MSH6: variants seen among roughly 807,000 people sequenced by gnomAD.
MSH6 encodes mutS homolog 6.
Under a neutral mutation model 119.1 loss-of-function variants are expected in MSH6, and 85 were observed. That is an observed-to-expected ratio of 0.71 (90% CI 0.60 to 0.85). The LOEUF (loss-of-function observed/expected upper bound fraction) is 0.85, where lower values mean the gene tolerates loss of function less well. Among genes scored for constraint, MSH6 ranks in the 40% least tolerant of loss-of-function variants. MSH6 has a pLI of 0.00. For missense variants in MSH6, 2,163 were observed against 1,655.3 expected (o/e 1.31, Z -5.32); for synonymous variants, 830 against 586.9 (o/e 1.41, Z -5.99).
At chr2:47,786,490 A>T (rs910477982) in intron 1 of MSH6, among the ~76,000 whole-genome samples, 1 of 143,228 alleles carries the variant, frequency 7.0e-6, no homozygotes, top group Non-Finnish European at 1.5e-5. Context: ...GCCTGCCACC[A>T]CGCCCAGCTA....
rs1553412609 is a variant in MSH6 at position 47,799,171 on chromosome 2, C to CT, written c.1189dup (p.Tyr397LeufsTer4). 1 of 1,614,168 alleles carries CT rather than the reference C, an allele frequency of 6.2e-7. No individual in the cohort carries two copies. The highest frequency in any genetic ancestry group is 8.5e-7 in the Non-Finnish European group (1 of 1,180,014). ...ACCCCGATTTTGATGCATCTACACT[C>CT]TATGTGCCTGAGGATTTCCTCAATT... On this transcript the variant is annotated frameshift_variant, in exon 4 of 10. Transcript: ENST00000234420. LOFTEE classifies it high-confidence loss of function.
At chr2:47,793,318 C>CA (rs34250836) in intron 2 of MSH6, among the ~76,000 whole-genome samples, 1,565 of 48,746 alleles carry the variant, frequency 0.032, 228 homozygotes, top group Middle Eastern at 0.043. Flanking sequence ...GAGACTGTCT[C>CA]AAAAAAAAAA....
At chr2:47,784,416 G>C (rs928215089) in intron 1 of MSH6, 1 of 211,794 alleles carries the variant, frequency 4.7e-6, no homozygotes, top group Non-Finnish European at 8.2e-6. Flanking sequence ...AGTGACTCCG[G>C]GGAAGCCTGT....
At position 47,791,015 on chromosome 2, in the gene MSH6, G is replaced by A. The variant is rs1558652014; in HGVS notation, c.349G>A (p.Gly117Arg). The change falls in exon 2 of 10, where the codon GGA becomes AGA. Residue 117 changes from glycine to arginine, a missense_variant. Gly to Arg is a moderately radical substitution (Grantham distance 125, BLOSUM62 -2). Transcript: ENST00000234420. ...PCLVYNHPFD[G>R]TFIREKGKSV... ...TCTGGTTTACAACCACCCCTTTGAT[G>A]GAACATTCATCCGCGAGAAAGGGAA... 5 of 1,614,230 alleles carry A rather than the reference G, an allele frequency of 3.1e-6. No individual in the cohort carries two copies. The highest frequency in any genetic ancestry group is 3.4e-6 in the Non-Finnish European group (4 of 1,180,034).
intron 1 of MSH6, among the ~76,000 whole-genome samples, chr2:47,787,073 C>T (rs1485754145): frequency 6.6e-6 from 1 of 152,114 alleles, no homozygotes; most frequent in African/African-American, 2.4e-5. Flanking sequence ...TGCCTGTAAA[C>T]CCAACACTTT....
intron 1 of MSH6, among the ~76,000 whole-genome samples, chr2:47,787,258 C>T (rs1421456712): frequency 6.6e-6 from 1 of 152,032 alleles, no homozygotes; most frequent in African/African-American, 2.4e-5. Context: ...GCCATGCACT[C>T]CAGCCTGGGT....
chr2:47,805,601 A>T lies in MSH6; in HGVS notation c.3557-17A>T, dbSNP rs542542093. On this transcript the variant is annotated splice_polypyrimidine_tract_variant and intron_variant, in intron 6 of 9. Transcript: ENST00000234420. ...TTTGCAAAATGAGTATTCATTTGTGATTTTTTTTTTTTTAAGGTGAAAGTA... is the reference window on the plus strand; with the variant it reads ...TTTGCAAAATGAGTATTCATTTGTGTTTTTTTTTTTTTTAAGGTGAAAGTA... The T allele has an allele frequency of 7.4e-6, 10 of 1,346,676 alleles. No individual in the cohort carries two copies. In the East Asian group the frequency reaches 1.5e-4, roughly 21 times the overall value. The allele number at this position is 1,346,676 out of a possible 1,614,324, so 83.4% of individuals were successfully genotyped here.
downstream of MSH6, chr2:47,808,814 AC>A (rs1670407962): frequency 3.9e-6 from 1 of 258,912 alleles, no homozygotes; most frequent in South Asian, 9.3e-5. Context: ...AACATGAGTT[AC>A]ATGAATGACA....
intron 1 of MSH6, among the ~76,000 whole-genome samples, chr2:47,786,208 T>C (rs1221965809): frequency 6.6e-6 from 1 of 152,026 alleles, no homozygotes; most frequent in Non-Finnish European, 1.5e-5. Flanking sequence ...AAATTGTGGG[T>C]AGGATGAAAG....
intron 1 of MSH6, chr2:47,789,551 T>G (rs1332926941): frequency 2.7e-6 from 1 of 376,572 alleles, no homozygotes; most frequent in East Asian, 8.2e-5. Flanking sequence ...TAAAACAATT[T>G]ATACTGTATT....
At chr2:47,794,433 G>C (rs1487861249) in intron 2 of MSH6, among the ~76,000 whole-genome samples, 1 of 151,412 alleles carries the variant, frequency 6.6e-6, no homozygotes, top group Middle Eastern at 3.2e-3. Flanking sequence ...CACCACACCT[G>C]GCTAATTTTT....
downstream of MSH6, chr2:47,807,054 G>A: frequency 1.7e-6 from 1 of 593,554 alleles, no homozygotes; most frequent in South Asian, 2.0e-5. Flanking sequence ...AAGTCTAGAT[G>A]TTATGGTACA....
chr2:47,795,422 A>ATGTGTGTGTGTG lies in MSH6; in HGVS notation c.458-456_458-445dup, dbSNP rs10699372. Among the ~76,000 whole-genome samples, 582 of 141,722 alleles carry ATGTGTGTGTGTG rather than the reference A, an allele frequency of 4.1e-3. 1 individual carries two copies. Among genetic ancestry groups the ATGTGTGTGTGTG allele is most frequent in the Non-Finnish European group, 6.3e-3 (416 of 66,028 alleles). 93.0% of individuals were successfully genotyped at this position (141,722 alleles called of 152,430 possible). ...AAGTGTCCAGCCAACAAGTTATTTTATGTGTGTGTGTGTGTGTGTGTGTGT... is the reference window on the plus strand; with the variant it reads ...AAGTGTCCAGCCAACAAGTTATTTTATGTGTGTGTGTGTGTGTGTGTGTGTGTGTGTGTGTGT... On this transcript the variant is annotated intron_variant, in intron 2 of 9. Transcript: ENST00000234420.
rs754307139 is a variant in MSH6 at position 47,798,844 on chromosome 2, T to C, written c.861T>C (p.Ser287=). 5.0e-6 allele frequency: 8 copies of C among 1,613,724 alleles called. No individual in the cohort carries two copies. The South Asian group carries it at 7.7e-5, about 16-fold the overall frequency. ...EISSGVGDSE[S]EGLNSPVKVA... ...GCAGTGGAGTGGGGGATAGTGAGAG[T>C]GAAGGCCTGAACAGCCCTGTCAAAG... Residue 287 remains serine (S), a synonymous_variant, in exon 4 of 10, where the codon AGT becomes AGC. Coordinates refer to ENST00000234420, the MANE Select transcript of MSH6 (RefSeq NM_000179.3).
chr2:47,804,065 G>A (rs1411787338), intron 5 of MSH6, among the ~76,000 whole-genome samples: 1 of 152,110 alleles, frequency 6.6e-6, no homozygotes, highest in Non-Finnish European at 1.5e-5. Flanking sequence ...AATGAGGTAA[G>A]AAAGCAAATA....
intron 3 of MSH6, 147 bp downstream of exon 3, chr2:47,796,210 C>T: frequency 1.1e-6 from 1 of 884,556 alleles, no homozygotes; most frequent in Non-Finnish European, 1.8e-6. Flanking sequence ...TCTGTAGTTC[C>T]CTGGACTGTA....
At chr2:47,807,320 G>GAGTT (rs1359997949), downstream of MSH6, 5 of 214,284 alleles carry the variant, frequency 2.3e-5, no homozygotes, top group East Asian at 7.1e-5. Flanking sequence ...TCACAAAACT[G>GAGTT]AGTTACAAGA....
At chr2:47,809,284 A>C, downstream of MSH6, 1 of 1,438,962 alleles carries the variant, frequency 6.9e-7, no homozygotes, top group Non-Finnish European at 9.6e-7. Context: ...AAAAGAAAGA[A>C]TAAGTAAAAA....
chr2:47,787,753 A>T (rs1405073562), intron 1 of MSH6, among the ~76,000 whole-genome samples: 1 of 151,908 alleles, frequency 6.6e-6, no homozygotes, highest in Non-Finnish European at 1.5e-5. Flanking sequence ...AGTAGCTGGG[A>T]CCCCAAGTGC....
Sources: allele counts gnomAD v4.1 joint callset (sites outside exome capture counted in the v4.1 genomes callset), GRCh38; gene constraint gnomAD v4.1.1; transcripts MANE v1.5; gene names NCBI Gene and HGNC (gene_info 2026-07-23, HGNC 2026-07-21).